MNT: variants seen among roughly 807,000 people sequenced by gnomAD.
MNT encodes max-binding protein MNT.
MNT carries 13 observed loss-of-function variants against 40.7 expected under a neutral mutation model. The ratio of observed to expected loss-of-function variants is 0.32; its 90% CI spans 0.21 to 0.51. The LOEUF is 0.51. Among genes scored for constraint, MNT ranks in the 20% least tolerant of loss-of-function variants. The pLI, the probability that MNT is intolerant of heterozygous loss-of-function variation, is 0.98. For synonymous variants in MNT, 426 were observed against 354.8 expected (o/e 1.20, Z -2.26); for missense variants, 757 against 792.0 (o/e 0.96, Z 0.53).
In MNT at chr17:2,386,742, C is replaced by G; in HGVS notation, c.*159G>C. The G allele has an allele frequency of 1.5e-6, 1 of 678,374 alleles. No homozygotes were observed. Among genetic ancestry groups the G allele is most frequent in the Non-Finnish European group, 2.2e-6 (1 of 448,680 alleles). 42.0% of individuals were successfully genotyped at this position (678,374 alleles called of 1,614,324 possible). On this transcript the variant is annotated 3_prime_UTR_variant, in exon 6 of 6. Transcript: ENST00000174618. ...GTGCAGCAGGGTGGCCCTTCCCTCCCTTGGCTCAGAGTCTTTGCACCCCCT... is the reference window on the plus strand; with the variant it reads ...GTGCAGCAGGGTGGCCCTTCCCTCCGTTGGCTCAGAGTCTTTGCACCCCCT...
Position 2,398,157 on chromosome 17 carries a change from G to C in MNT, c.73+2483C>G, listed in dbSNP as rs1453480773. On this transcript the variant is annotated intron_variant, in intron 1 of 5. Transcript: ENST00000174618. ...CTAAGGCAGGCCCAGGGTAAGCCTT[G>C]GAGAGTTGGTCAGGAGCCTCTGGAC... is the stretch of plus-strand genomic sequence containing the variant. Among the ~76,000 whole-genome samples the C allele has an allele frequency of 3.3e-5, 5 of 152,180 alleles. No individual in the cohort carries two copies. The South Asian group carries it at 1.0e-3, about 31-fold the overall frequency.
chr17:2,395,213 T>A lies in MNT; in HGVS notation c.315A>T (p.Pro105=). 1.3e-6 allele frequency: 1 copy of A among 770,994 alleles called. No homozygotes were observed. The highest frequency in any genetic ancestry group is 1.6e-6 in the Non-Finnish European group (1 of 636,868). 47.8% of individuals were successfully genotyped at this position (770,994 alleles called of 1,614,324 possible). Residue 105 remains proline (P), a synonymous_variant, in exon 2 of 6, where the codon CCA becomes CCT. Transcript: ENST00000174618. ...GAGGCTGGGCTGCCGCGGGCAAGGG[T>A]GGGGGTGGGGGTAGAGGCTGAGGGG... The part of the protein sequence containing the change: ...TNSPQPLPPP[P]PLPAAAQPLP...
rs886991586 is a variant in MNT, at chr17:2,392,454, G to C, written c.807+1589C>G. Among the ~76,000 whole-genome samples, 5 of 152,184 alleles carry C rather than the reference G, an allele frequency of 3.3e-5. No individual in the cohort carries two copies. In the East Asian group the frequency reaches 9.6e-4, roughly 29 times the overall value. On this transcript the variant is annotated intron_variant, in intron 4 of 5. Transcript: ENST00000174618. Reference sequence around the variant, plus strand: ...CCACACGTTACGCAAGGCGCCCTCTGCAAGTAGTATCTGCAAAGAGGAACT... The same window carrying C: ...CCACACGTTACGCAAGGCGCCCTCTCCAAGTAGTATCTGCAAAGAGGAACT...
At position 2,387,075 on chromosome 17, in the gene MNT, C is replaced by G. The variant is rs368726975; in HGVS notation, c.1575G>C (p.Ser525=). 1.2e-5 allele frequency: 19 copies of G among 1,567,872 alleles called. No individual in the cohort carries two copies. The highest frequency in any genetic ancestry group is 1.6e-5 in the Non-Finnish European group (19 of 1,156,706). The change falls in exon 6 of 6, where the codon TCG becomes TCC. Residue 525 remains serine, a synonymous_variant. Coordinates refer to ENST00000174618, the MANE Select transcript of MNT (RefSeq NM_020310.3). ...CGGCCGTGCCGTTGACTTGCTGGTG[C>G]GAGAGGGTGTGGGCGATGTGGCTCA... ...VAVSHIAHTL[S]HQQVNGTAGL... is the part of the protein sequence containing the mutation.
intron 1 of MNT, among the ~76,000 whole-genome samples, chr17:2,399,581 T>C (rs1298370628): frequency 2.0e-5 from 3 of 152,000 alleles, no homozygotes; most frequent in African/African-American, 2.4e-5. Context: ...AGGCTCTCCC[T>C]GGGAGGTGCC....
chr17:2,390,120 A>C (rs2066501401), intron 4 of MNT: 1 of 152,254 alleles, frequency 6.6e-6, no homozygotes, highest in Non-Finnish European at 1.5e-5. Flanking sequence ...TGTGAATGAA[A>C]GTGAGAATGG....
rs1315336675 is a variant in MNT, at chr17:2,387,017, G to A, written c.1633C>T (p.Pro545Ser). 6.5e-7 allele frequency: 1 copy of A among 1,543,722 alleles called. No homozygotes were observed. Among genetic ancestry groups the A allele is most frequent in the Non-Finnish European group, 8.8e-7 (1 of 1,142,736 alleles). Residue 545 changes from proline (P) to serine (S), a missense_variant, in exon 6 of 6, where the codon CCG becomes TCG. Physicochemically the swap from Pro to Ser is moderately conservative, Grantham distance 74. This residue lies in a region of MNT where 345 missense variants were observed against 380.1 expected (regional missense o/e 0.91). Coordinates refer to ENST00000174618, the MANE Select transcript of MNT (RefSeq NM_020310.3). ...LGPPATVMAK[P>S]AVGAQVVHHP... ...TGCACCACCTGAGCCCCCACGGCCG[G>A]CTTTGCCATGACAGTAGCCGGGGGC...
At chr17:2,400,574 G>C (rs1172947045) in intron 1 of MNT, 66 bp downstream of exon 1, 3 of 1,478,522 alleles carry the variant, frequency 2.0e-6, no homozygotes, top group African/African-American at 1.5e-5. Context: ...TTTCGCGTGG[G>C]TTCGGGGACC....
intron 3 of MNT, 29 bp from the exon 4 acceptor site, chr17:2,394,183 G>A (rs78101376): frequency 6.2e-7 from 1 of 1,605,058 alleles, no homozygotes; most frequent in Non-Finnish European, 8.5e-7. Context: ...GCCGGTCAGC[G>A]GTGCCTGGGG....
At chr17:2,394,277 G>GCACGCGCGCGCACA in intron 3 of MNT, 28 bp downstream of exon 3, 2 of 1,487,680 alleles carry the variant, frequency 1.3e-6, no homozygotes, top group Middle Eastern at 2.1e-4. Flanking sequence ...ACGCACGCAC[G>GCACGCGCGCGCACA]CACACACACA....
intron 1 of MNT, among the ~76,000 whole-genome samples, chr17:2,399,173 G>A (rs2066597372): frequency 6.6e-6 from 1 of 152,122 alleles, no homozygotes; most frequent in Non-Finnish European, 1.5e-5. Flanking sequence ...GGATTCTGGG[G>A]GGCGGGGAGG....
chr17:2,392,991 C>T (rs1184835153), intron 4 of MNT, among the ~76,000 whole-genome samples: 1 of 152,122 alleles, frequency 6.6e-6, no homozygotes, highest in Non-Finnish European at 1.5e-5. Flanking sequence ...TGTGACCCCG[C>T]GGTCGAGGCC....
Position 2,387,921 on chromosome 17 carries a change from A to T in MNT, c.936T>A (p.Ile312=). 1.2e-6 allele frequency: 2 copies of T among 1,609,244 alleles called. No homozygotes were observed. The highest frequency in any genetic ancestry group is 1.7e-6 in the Non-Finnish European group (2 of 1,179,274). ...GGCCCGTCTGCCGCAGCACGCGGTC[A>T]ATCTCCAGTACGTCCATCCACTGGC... ...ELSQWMDVLE[I]DRVLRQTGQP... Residue 312 remains isoleucine (I), a synonymous_variant, in exon 5 of 6, where the codon ATT becomes ATA. Coordinates refer to ENST00000174618, the MANE Select transcript of MNT (RefSeq NM_020310.3).
chr17:2,388,047 G>C lies in MNT; in HGVS notation c.810C>G (p.Ser270=). The C allele has an allele frequency of 6.4e-7, 1 of 1,555,514 alleles. No individual in the cohort carries two copies. The highest frequency in any genetic ancestry group is 8.7e-7 in the Non-Finnish European group (1 of 1,148,314). The change falls in exon 5 of 6, where the codon TCC becomes TCG. Residue 270 remains serine (S), a splice_region_variant and synonymous_variant. Coordinates refer to ENST00000174618, the MANE Select transcript of MNT (RefSeq NM_020310.3). The part of the protein sequence containing the change: ...VLRTALRYIQ[S]LKRKEKEYEH... ...CATATTCCTTCTCCTTCCTCTTCAG[G>C]GACTGGCACACAGAGTAAGGGACAG...
At position 2,400,939 on chromosome 17, in the gene MNT, CAA is replaced by C. The variant is rs755785772; in HGVS notation, c.-229_-228del. 9,059 of 239,304 alleles carry C rather than the reference CAA, an allele frequency of 0.038. No homozygotes were observed. Among genetic ancestry groups the C allele is most frequent in the Middle Eastern group, 0.065 (56 of 862 alleles). 14.8% of individuals were successfully genotyped at this position (239,304 alleles called of 1,614,324 possible). A position where few individuals can be genotyped will look rare whatever the true frequency, so the allele number is the denominator to read the frequency against. ...ATTGCAAATTTAAAAAAATGGGATG[CAA>C]AAAAAAAAAAAAGGCGGCACTGCCT... is the stretch of plus-strand genomic sequence containing the variant. On this transcript the variant is annotated 5_prime_UTR_variant, in exon 1 of 6. Coordinates refer to ENST00000174618, the MANE Select transcript of MNT (RefSeq NM_020310.3).
At chr17:2,394,640 C>G (rs931400423) in intron 2 of MNT, among the ~76,000 whole-genome samples, 2 of 152,140 alleles carry the variant, frequency 1.3e-5, no homozygotes, top group Non-Finnish European at 2.9e-5. Flanking sequence ...CATACTCTGT[C>G]CAGAGGCCTG....
At chr17:2,397,671 GAA>G (rs774463809) in intron 1 of MNT, among the ~76,000 whole-genome samples, 1 of 152,154 alleles carries the variant, frequency 6.6e-6, no homozygotes, top group Non-Finnish European at 1.5e-5. Context: ...GGAGCAGCAT[GAA>G]AAAGCTCCAC....
chr17:2,387,694 G>T, intron 5 of MNT, 45 bp from the exon 6 acceptor site: 1 of 1,606,198 alleles, frequency 6.2e-7, no homozygotes. Flanking sequence ...GGGCGGGGAA[G>T]CAAGTGGCTG....
chr17:2,394,655 T>C (rs1416541820), intron 2 of MNT, among the ~76,000 whole-genome samples: 1 of 152,098 alleles, frequency 6.6e-6, no homozygotes, highest in Admixed American at 6.5e-5. Flanking sequence ...GGCCTGGGAA[T>C]GCCATAAGCC....
Sources: allele counts gnomAD v4.1 joint callset (sites outside exome capture counted in the v4.1 genomes callset), GRCh38; gene constraint gnomAD v4.1.1; regional missense constraint gnomAD v4.1.1; transcripts MANE v1.5; gene names NCBI Gene and HGNC (gene_info 2026-07-23, HGNC 2026-07-21).